Variants in PRDM5 observed in about 807,000 individuals in gnomAD.
PRDM5 encodes PR/SET domain 5, also known as PR domain zinc finger protein 5.
In PRDM5, 56 loss-of-function variants were observed where a neutral mutation model predicts 81.2. The observed-to-expected ratio is 0.69, with a 90% confidence interval of 0.56 to 0.86. The LOEUF (loss-of-function observed/expected upper bound fraction) is 0.86, where lower values mean the gene tolerates loss of function less well. Ranked by LOEUF, PRDM5 falls within the 40% of genes least tolerant of loss-of-function variation. The pLI is 0.00. For missense variants in PRDM5, 697 were observed against 770.1 expected, an observed-to-expected ratio of 0.91 and a Z score of 1.12; for synonymous variants, 267 against 256.4, an observed-to-expected ratio of 1.04 and a Z score of -0.39.
At chr4:120,701,997 G>A (rs960055514) in intron 15 of PRDM5, among the ~76,000 whole-genome samples, 1 of 152,142 alleles carries the variant, frequency 6.6e-6, no homozygotes, top group Non-Finnish European at 1.5e-5. Context: ...CCTCTCTGCA[G>A]GAAATGTTTG....
At chr4:120,896,971 C>T (rs931222714) in intron 2 of PRDM5, 1 of 151,986 alleles carries the variant, frequency 6.6e-6, no homozygotes, top group Non-Finnish European at 1.5e-5. Context: ...GCGCGAGCCA[C>T]CATGCGCAGC....
chr4:120,753,955 C>T (rs59281550), intron 14 of PRDM5, among the ~76,000 whole-genome samples: 2 of 152,048 alleles, frequency 1.3e-5, no homozygotes, highest in Non-Finnish European at 2.9e-5. Context: ...GCATGTGAAA[C>T]AGATGCTTGA....
intron 15 of PRDM5, among the ~76,000 whole-genome samples, chr4:120,706,159 T>C (rs1444185298): frequency 6.6e-6 from 1 of 151,116 alleles, no homozygotes; most frequent in Non-Finnish European, 1.5e-5. Flanking sequence ...TGGCACGATC[T>C]TGGCTCACTG....
chr4:120,853,779 C>T lies in PRDM5; in HGVS notation c.178-239G>A, dbSNP rs2597546. Among the ~76,000 whole-genome samples, 64,278 of 152,014 alleles carry T rather than the reference C, an allele frequency of 0.42. 13,889 individuals carry two copies. The highest frequency in any genetic ancestry group is 0.47 in the Non-Finnish European group (31,914 of 67,968). On this transcript the variant is annotated intron_variant, in intron 2 of 15. Transcript: ENST00000264808. The stretch of plus-strand genomic sequence containing the variant: ...GCAATGAACTCTCAGAAACATCCTA[C>T]GTTGATAGTTGTTTTCTGGTCAAAA...
chr4:120,839,194 G>A, intron 3 of PRDM5: 1 of 700,898 alleles, frequency 1.4e-6, no homozygotes, highest in Non-Finnish European at 2.6e-6. Context: ...CTCGCAATGT[G>A]GCAAGCAAGG....
intron 2 of PRDM5, among the ~76,000 whole-genome samples, chr4:120,860,425 G>A (rs559696631): frequency 6.6e-6 from 1 of 152,100 alleles, no homozygotes; most frequent in East Asian, 1.9e-4. Context: ...GACAAAAAAT[G>A]AAACACATAG....
downstream of PRDM5, among the ~76,000 whole-genome samples, chr4:120,690,564 G>T (rs1440173601): frequency 6.6e-6 from 1 of 152,002 alleles, no homozygotes; most frequent in Non-Finnish European, 1.5e-5. Context: ...AAAAAGATAT[G>T]CCAGTCAAAC....
At chr4:120,715,786 A>G (rs1411773054) in intron 14 of PRDM5, among the ~76,000 whole-genome samples, 3 of 152,214 alleles carry the variant, frequency 2.0e-5, no homozygotes, top group Non-Finnish European at 4.4e-5. Context: ...GCAGCTGCCA[A>G]TGACAGGTGA....
intron 3 of PRDM5, among the ~76,000 whole-genome samples, chr4:120,841,736 G>A (rs966813537): frequency 6.6e-5 from 10 of 152,166 alleles, no homozygotes; most frequent in African/African-American, 9.6e-5. Context: ...GCACTCACAC[G>A]TACATGGTTG....
At position 120,693,509 on chromosome 4, in the gene PRDM5, A is replaced by G. The variant is rs1299065936; in HGVS notation, c.*1602T>C. Reference sequence around the variant, plus strand: ...CAGATTCAAAATACTACATATAACTATACTTAAATATCTTCTAAACTATAA... The same window carrying G: ...CAGATTCAAAATACTACATATAACTGTACTTAAATATCTTCTAAACTATAA... On this transcript the variant is annotated 3_prime_UTR_variant, in exon 16 of 16. Coordinates refer to ENST00000264808, the MANE Select transcript of PRDM5 (RefSeq NM_018699.4). 2 of 152,138 alleles carry G rather than the reference A, an allele frequency of 1.3e-5. No homozygotes were observed. Among genetic ancestry groups the G allele is most frequent in the East Asian group, 3.8e-4 (2 of 5,196 alleles). 9.4% of individuals were successfully genotyped at this position (152,138 alleles called of 1,614,324 possible). A position where few individuals can be genotyped will look rare whatever the true frequency, so the allele number is the denominator to read the frequency against.
At chr4:120,870,184 T>C (rs1301323433) in intron 2 of PRDM5, among the ~76,000 whole-genome samples, 2 of 151,920 alleles carry the variant, frequency 1.3e-5, no homozygotes, top group African/African-American at 4.8e-5. Context: ...GGCCTGCTGG[T>C]CTCAAACTCT....
chr4:120,730,850 T>A (rs1194961247), intron 14 of PRDM5, among the ~76,000 whole-genome samples: 1 of 152,214 alleles, frequency 6.6e-6, no homozygotes, highest in African/African-American at 2.4e-5. Context: ...TTTGTGGATA[T>A]ACCAAGTTCA....
rs767884785 is a variant in PRDM5, at chr4:120,785,020, C to T, written c.1260G>A (p.Gln420=). The change falls in exon 11 of 16, where the codon CAG becomes CAA. Residue 420 remains glutamine (Q), a synonymous_variant. Transcript: ENST00000264808. ...KALFRTPFSL[Q]RHLLIHNSER... ...TACTGTTATGTATTAGCAGGTGTCTCTGTAAAGAAAATGGGGTCCGGAACA... is the reference window on the plus strand; with the variant it reads ...TACTGTTATGTATTAGCAGGTGTCTTTGTAAAGAAAATGGGGTCCGGAACA... 2 of 1,606,902 alleles carry T rather than the reference C, an allele frequency of 1.2e-6. No homozygotes were observed. The highest frequency in any genetic ancestry group is 1.1e-5 in the South Asian group (1 of 90,970).
Position 120,811,110 on chromosome 4 carries a change from A to T in PRDM5, c.945+260T>A, listed in dbSNP as rs139976957. On this transcript the variant is annotated intron_variant, in intron 8 of 15. Coordinates refer to ENST00000264808, the MANE Select transcript of PRDM5 (RefSeq NM_018699.4). The stretch of plus-strand genomic sequence containing the variant: ...TGTGAAATTAACAATGATCATTTAC[A>T]TCTTTGTTATAATAATAAAATATAG... Among the ~76,000 whole-genome samples, 2,759 of 152,234 alleles carry T rather than the reference A, an allele frequency of 0.018. 33 individuals carry two copies. The highest frequency in any genetic ancestry group is 0.031 in the Middle Eastern group (9 of 292).
At chr4:120,762,572 A>T (rs1291804100) in intron 13 of PRDM5, 1 of 152,180 alleles carries the variant, frequency 6.6e-6, no homozygotes, top group African/African-American at 2.4e-5. Context: ...TTGTGAAAGC[A>T]CCACCCAATT....
intron 15 of PRDM5, among the ~76,000 whole-genome samples, chr4:120,696,072 C>T (rs1734484174): frequency 6.6e-6 from 1 of 151,998 alleles, no homozygotes; most frequent in South Asian, 2.1e-4. Flanking sequence ...AACAAAAAAT[C>T]CTTGCCCTCT....
At chr4:120,870,117 G>T (rs1011186013) in intron 2 of PRDM5, among the ~76,000 whole-genome samples, 4 of 151,976 alleles carry the variant, frequency 2.6e-5, no homozygotes, top group African/African-American at 7.2e-5. Flanking sequence ...AGGAAGGAAG[G>T]GAAGACGGAG....
intron 10 of PRDM5, among the ~76,000 whole-genome samples, chr4:120,798,013 A>G (rs1230308754): frequency 6.6e-6 from 1 of 152,200 alleles, no homozygotes; most frequent in Non-Finnish European, 1.5e-5. Context: ...AGACTTCACA[A>G]TTAGTAAACC....
At position 120,788,988 on chromosome 4, in the gene PRDM5, C is replaced by CT. The variant is rs773731806; in HGVS notation, c.1189-3898dup. ...TTTACAAGTATCAGATGAAATCAAG[C>CT]TTTTTTAAAGGTACTTGTCCTTCAA... On this transcript the variant is annotated intron_variant, in intron 10 of 15. Coordinates refer to ENST00000264808, the MANE Select transcript of PRDM5 (RefSeq NM_018699.4). 2.6e-5 allele frequency among the ~76,000 whole-genome samples: 4 copies of CT among 152,260 alleles called. No homozygotes were observed. The East Asian group carries it at 5.8e-4, about 22-fold the overall frequency.
Sources: allele counts gnomAD v4.1 joint callset (sites outside exome capture counted in the v4.1 genomes callset), GRCh38; gene constraint gnomAD v4.1.1; transcripts MANE v1.5; gene names NCBI Gene and HGNC (gene_info 2026-07-23, HGNC 2026-07-21).